YY1: variants seen among roughly 807,000 people sequenced by gnomAD.
YY1 encodes the protein YY1 transcription factor.
In YY1, 2 loss-of-function variants were observed where a neutral mutation model predicts 35.6. That is an observed-to-expected ratio of 0.06 (90% confidence interval 0.02 to 0.18). YY1 has a LOEUF of 0.18. Among genes scored for constraint, YY1 ranks in the 10% least tolerant of loss-of-function variants. The probability of loss-of-function intolerance (pLI) is 1.00; values close to 1 mark genes in which losing one functional copy is unlikely to be tolerated. For missense variants in YY1, 322 were observed against 573.4 expected (o/e 0.56, Z 4.48); for synonymous variants, 268 against 238.9 (o/e 1.12, Z -1.12).
chr14:100,248,113 T>TTTTTTTC (rs1555369336), intron 1 of YY1, among the ~76,000 whole-genome samples: 2 of 83,884 alleles, frequency 2.4e-5, no homozygotes, highest in Non-Finnish European at 4.5e-5. Context: ...CCCGGCTAAT[T>TTTTTTTC]TTTTTTTCTT....
At position 100,245,348 on chromosome 14, in the gene YY1, T is replaced by C. The variant is rs187568539; in HGVS notation, c.679+5425T>C. 3.6e-3 allele frequency among the ~76,000 whole-genome samples: 547 copies of C among 152,330 alleles called. 1 individual carries two copies. The highest frequency in any genetic ancestry group is 5.7e-3 in the Non-Finnish European group (389 of 68,032). On this transcript the variant is annotated intron_variant, in intron 1 of 4. Coordinates refer to ENST00000262238, the MANE Select transcript of YY1 (RefSeq NM_003403.5). The stretch of plus-strand genomic sequence containing the variant: ...TTAAATTAGAGATGGGGTCTTGCCT[T>C]GTTGCCTAGGCTGGCCTTGAATTCC...
At position 100,280,515 on chromosome 14, in the gene YY1, C is replaced by T. The variant is rs1891402125; in HGVS notation, c.*2915C>T. The T allele has an allele frequency of 6.6e-6, 1 of 152,052 alleles. No homozygotes were observed. Among genetic ancestry groups the T allele is most frequent in the Non-Finnish European group, 1.5e-5 (1 of 68,014 alleles). 9.4% of individuals were successfully genotyped at this position (152,052 alleles called of 1,614,324 possible). ...GTCACCCCAGAGTGACATTTATTTT[C>T]CAAGATGACCCTGAACTCATGCTGT... On this transcript the variant is annotated 3_prime_UTR_variant, in exon 5 of 5. Coordinates refer to ENST00000262238, the MANE Select transcript of YY1 (RefSeq NM_003403.5).
chr14:100,277,118 T>G lies in YY1; in HGVS notation c.1063-300T>G. ...TTTTGACAACTGACACCAGAACCCT[T>G]AATCATTTGTATTTTACTGTTGGAA... On this transcript the variant is annotated intron_variant, in intron 4 of 4. Coordinates refer to ENST00000262238, the MANE Select transcript of YY1 (RefSeq NM_003403.5). This position sits in a 1 kb window ranked among gnomAD's most constrained non-coding sequence, Gnocchi z 5.6. 1 of 495,146 alleles carries G rather than the reference T, an allele frequency of 2.0e-6. No individual in the cohort carries two copies. The allele number at this position is 495,146 out of a possible 1,614,324, so 30.7% of individuals were successfully genotyped here. A position where few individuals can be genotyped will look rare whatever the true frequency, so the allele number is the denominator to read the frequency against.
intron 2 of YY1, among the ~76,000 whole-genome samples, chr14:100,271,767 C>T (rs899494515): frequency 6.6e-6 from 1 of 152,086 alleles, no homozygotes; most frequent in African/African-American, 2.4e-5. Context: ...TCCTCAGCCT[C>T]CCAAGTAGCT....
chr14:100,254,917 G>A (rs1240977528), intron 1 of YY1, among the ~76,000 whole-genome samples: 1 of 133,144 alleles, frequency 7.5e-6, no homozygotes, highest in Non-Finnish European at 1.6e-5. Context: ...GGGATTACAA[G>A]CGCCCGCCAC....
chr14:100,268,204 G>C (rs953060519), intron 2 of YY1, among the ~76,000 whole-genome samples: 2 of 152,238 alleles, frequency 1.3e-5, no homozygotes, highest in African/African-American at 2.4e-5. Context: ...GGGGTGATGG[G>C]GTGCTGGACT....
intron 1 of YY1, among the ~76,000 whole-genome samples, chr14:100,249,357 G>A (rs904387261): frequency 1.3e-5 from 2 of 151,954 alleles, no homozygotes; most frequent in African/African-American, 4.8e-5. Context: ...CTGACCTCAA[G>A]TGATCTGCCT....
chr14:100,262,569 C>A, intron 2 of YY1, 103 bp downstream of exon 2: 2 of 1,264,516 alleles, frequency 1.6e-6, no homozygotes, highest in Non-Finnish European at 2.3e-6. Context: ...TGTATTCTTT[C>A]TCTAGGGAAA....
In YY1 at chr14:100,252,120, TTTGC is replaced by T. The variant is rs1240014009; in HGVS notation, c.680-10180_680-10177del. Among the ~76,000 whole-genome samples the T allele has an allele frequency of 3.9e-5, 6 of 152,340 alleles. No homozygotes were observed. The East Asian group carries it at 9.6e-4, about 24-fold the overall frequency. ...TTTTACTAGACACTGAGAAAACCAC[TTTGC>T]TTGGAGCGTGGAGGGCAGGTGAGAC... On this transcript the variant is annotated intron_variant, in intron 1 of 4. Coordinates refer to ENST00000262238, the MANE Select transcript of YY1 (RefSeq NM_003403.5).
At chr14:100,249,760 G>GTTTTTTTTTTTGTT (rs34925666) in intron 1 of YY1, among the ~76,000 whole-genome samples, 1 of 143,048 alleles carries the variant, frequency 7.0e-6, no homozygotes, top group Admixed American at 6.9e-5. Flanking sequence ...TTTTTTTTTT[G>GTTTTTTTTTTTGTT]TTTGTTTTTG....
chr14:100,275,513 CAGTT>C (rs765547798), intron 3 of YY1, among the ~76,000 whole-genome samples: 3 of 152,180 alleles, frequency 2.0e-5, no homozygotes, highest in East Asian at 1.9e-4. Context: ...CATTTGAAAA[CAGTT>C]AGGCTGGAAG....
At chr14:100,263,953 C>CA (rs1261692026) in intron 2 of YY1, 2 of 152,196 alleles carry the variant, frequency 1.3e-5, no homozygotes, top group Admixed American at 6.5e-5. Flanking sequence ...CAGCCTCAAG[C>CA]AATCCTCCTG....
At chr14:100,254,940 A>ATTTTTTTTTTTTTTTTTTTTTTTTTTT (rs35165026) in intron 1 of YY1, among the ~76,000 whole-genome samples, 2 of 29,586 alleles carry the variant, frequency 6.8e-5, no homozygotes, top group African/African-American at 1.5e-4. Context: ...CGCCCAGCTA[A>ATTTTTTTTTTTTTTTTTTTTTTTTTTT]TTTTTTTTTT....
At chr14:100,272,220 T>G (rs1259806612) in intron 2 of YY1, among the ~76,000 whole-genome samples, 1 of 150,620 alleles carries the variant, frequency 6.6e-6, no homozygotes, top group East Asian at 2.0e-4. Flanking sequence ...GGCATGAACC[T>G]GGGAGGCGGA....
At chr14:100,241,048 T>C (rs962616158) in intron 1 of YY1, among the ~76,000 whole-genome samples, 5 of 152,218 alleles carry the variant, frequency 3.3e-5, no homozygotes, top group East Asian at 1.9e-4. Context: ...AAGGATCTTA[T>C]CTGCCTGTGT....
chr14:100,281,532 T>C lies in YY1; in HGVS notation c.*3932T>C, dbSNP rs2139616469. ...TTCAGGCCCAGCAGGTCCTGGCAAGTGCATTCCACCCGAACTTTTAACCCA... is the reference window on the plus strand; with the variant it reads ...TTCAGGCCCAGCAGGTCCTGGCAAGCGCATTCCACCCGAACTTTTAACCCA... On this transcript the variant is annotated 3_prime_UTR_variant, in exon 5 of 5. Transcript: ENST00000262238. The C allele has an allele frequency of 6.6e-6, 1 of 152,336 alleles. No homozygotes were observed. 9.4% of individuals were successfully genotyped at this position (152,336 alleles called of 1,614,324 possible). A position where few individuals can be genotyped will look rare whatever the true frequency, so the allele number is the denominator to read the frequency against.
intron 1 of YY1, among the ~76,000 whole-genome samples, chr14:100,244,618 T>A (rs1890804006): frequency 1.4e-5 from 2 of 147,280 alleles, no homozygotes; most frequent in Non-Finnish European, 3.0e-5. Context: ...GGTCTCATTC[T>A]GTCACCCAGG....
chr14:100,258,928 C>A (rs1047694288), intron 1 of YY1, among the ~76,000 whole-genome samples: 3 of 152,210 alleles, frequency 2.0e-5, no homozygotes, highest in Non-Finnish European at 2.9e-5. Context: ...TCCTCTCATA[C>A]TCCAGCTTTG....
chr14:100,266,510 A>C (rs1365108080), intron 2 of YY1, among the ~76,000 whole-genome samples: 1 of 152,090 alleles, frequency 6.6e-6, no homozygotes, highest in Non-Finnish European at 1.5e-5. Flanking sequence ...AGCTGATCTA[A>C]AAGTTTGTCC....
Sources: allele counts gnomAD v4.1 joint callset (sites outside exome capture counted in the v4.1 genomes callset), GRCh38; gene constraint gnomAD v4.1.1; non-coding constraint Gnocchi (gnomAD v3.1); transcripts MANE v1.5; gene names NCBI Gene and HGNC (gene_info 2026-07-23, HGNC 2026-07-21).